CACNA2D1: variants seen among roughly 807,000 people sequenced by gnomAD.
The protein encoded by CACNA2D1 is voltage-dependent calcium channel subunit alpha-2/delta-1.
CACNA2D1 carries 53 observed loss-of-function variants against 171.5 expected under a neutral mutation model. That is an observed-to-expected ratio of 0.31 (90% CI 0.25 to 0.39). The LOEUF (loss-of-function observed/expected upper bound fraction) is 0.39, where lower values mean the gene tolerates loss of function less well. Ranked by LOEUF, CACNA2D1 falls within the 10% of genes least tolerant of loss-of-function variation. The pLI, the probability that CACNA2D1 is intolerant of heterozygous loss-of-function variation, is 1.00. For synonymous variants in CACNA2D1, 442 were observed against 443.1 expected (o/e 1.00, Z 0.03); for missense variants, 903 against 1,299.8 (o/e 0.69, Z 4.69).
At chr7:81,951,969 G>GTT (rs774805421) in intron 38 of CACNA2D1, among the ~76,000 whole-genome samples, 1,411 of 71,794 alleles carry the variant, frequency 0.02, 45 homozygotes, top group African/African-American at 0.051. Flanking sequence ...TGTACAAAGT[G>GTT]TTTTTTTTTT....
intron 3 of CACNA2D1, among the ~76,000 whole-genome samples, chr7:82,217,317 G>T (rs1379927670): frequency 2.8e-5 from 4 of 143,262 alleles, no homozygotes; most frequent in Admixed American, 2.2e-4. Context: ...TTTACTTCGT[G>T]TTACATTGAT....
chr7:82,073,481 C>T (rs896980927), intron 7 of CACNA2D1, among the ~76,000 whole-genome samples: 3 of 152,086 alleles, frequency 2.0e-5, no homozygotes, highest in African/African-American at 7.2e-5. Flanking sequence ...AAAATAAATT[C>T]TGGAAGAAGG....
intron 8 of CACNA2D1, among the ~76,000 whole-genome samples, chr7:82,066,101 G>A (rs1482926290): frequency 6.6e-6 from 1 of 152,024 alleles, no homozygotes; most frequent in Non-Finnish European, 1.5e-5. Flanking sequence ...ACTGCCAGAG[G>A]CAAATTATCT....
At chr7:82,158,805 C>G (rs1262407451) in intron 4 of CACNA2D1, among the ~76,000 whole-genome samples, 2 of 151,856 alleles carry the variant, frequency 1.3e-5, no homozygotes, top group Non-Finnish European at 2.9e-5. Flanking sequence ...GAATATGTTA[C>G]TTCTACACAT....
At chr7:82,363,326 G>A (rs916438608) in intron 1 of CACNA2D1, among the ~76,000 whole-genome samples, 1 of 123,088 alleles carries the variant, frequency 8.1e-6, no homozygotes, top group African/African-American at 3.1e-5. Context: ...GTGCAGTGGC[G>A]CCATCTCTGC....
At chr7:81,994,988 G>A in intron 19 of CACNA2D1, 49 bp from the exon 20 acceptor site, 1 of 881,606 alleles carries the variant, frequency 1.1e-6, no homozygotes. Flanking sequence ...AAGCTGACCT[G>A]CCAAAATATG....
At chr7:82,332,565 A>AGAAAGAAAGAAAGAAAGAAC (rs1491481168) in intron 3 of CACNA2D1, among the ~76,000 whole-genome samples, 16 of 109,340 alleles carry the variant, frequency 1.5e-4, no homozygotes, top group Non-Finnish European at 2.2e-4. Flanking sequence ...AAAGAAAGAA[A>AGAAAGAAAGAAAGAAAGAAC]GAACGAACAG....
intron 3 of CACNA2D1, among the ~76,000 whole-genome samples, chr7:82,241,919 A>G (rs2129296614): frequency 6.6e-6 from 1 of 152,288 alleles, no homozygotes; most frequent in Non-Finnish European, 1.5e-5. Context: ...AACACAGAGA[A>G]CATATTACTT....
intron 4 of CACNA2D1, among the ~76,000 whole-genome samples, chr7:82,151,019 A>C (rs1321952348): frequency 6.6e-6 from 1 of 152,182 alleles, no homozygotes; most frequent in Non-Finnish European, 1.5e-5. Context: ...CTGTTTACTG[A>C]TTCAGAGATA....
At position 82,166,890 on chromosome 7, in the gene CACNA2D1, A is replaced by C. The variant is rs7793379; in HGVS notation, c.354+3660T>G. 4.9e-3 allele frequency among the ~76,000 whole-genome samples: 748 copies of C among 152,182 alleles called. 9 individuals are homozygous for C. The highest frequency in any genetic ancestry group is 5.2e-3 in the Non-Finnish European group (354 of 67,982). ...GGAGCTGAGAGAGAGTGTGAATTGC[A>C]TAAGTCCTTTGTTGTTGCCAGCATA... On this transcript the variant is annotated intron_variant, in intron 4 of 38. Transcript: ENST00000356860.
intron 21 of CACNA2D1, 89 bp from the exon 22 acceptor site, chr7:81,984,800 CGAAA>C: frequency 2.7e-6 from 2 of 746,592 alleles, no homozygotes; most frequent in Non-Finnish European, 4.8e-6. Context: ...ATGGGAAAAT[CGAAA>C]GATCTTCCTC....
At chr7:82,050,441 A>G (rs1805061881) in intron 10 of CACNA2D1, 3 of 603,900 alleles carry the variant, frequency 5.0e-6, no homozygotes, top group Non-Finnish European at 8.8e-6. Context: ...TGACAGGAGG[A>G]CAGCCAGGGG....
At chr7:82,079,147 AAAT>A (rs1809370515) in intron 7 of CACNA2D1, among the ~76,000 whole-genome samples, 1 of 152,170 alleles carries the variant, frequency 6.6e-6, no homozygotes, top group Non-Finnish European at 1.5e-5. Flanking sequence ...TATGTATTTT[AAAT>A]AATCTGATAA....
intron 3 of CACNA2D1, among the ~76,000 whole-genome samples, chr7:82,222,519 A>T (rs1487969707): frequency 6.6e-6 from 1 of 152,178 alleles, no homozygotes; most frequent in Non-Finnish European, 1.5e-5. Flanking sequence ...CAAATGAATG[A>T]AGGTTGTTCT....
At chr7:82,243,411 A>G (rs1336968636) in intron 3 of CACNA2D1, among the ~76,000 whole-genome samples, 1 of 152,208 alleles carries the variant, frequency 6.6e-6, no homozygotes, top group Non-Finnish European at 1.5e-5. Context: ...GATGGTTGAC[A>G]TATGATTGAC....
intron 10 of CACNA2D1, among the ~76,000 whole-genome samples, chr7:82,047,033 T>G (rs2131279363): frequency 6.6e-6 from 1 of 152,276 alleles, no homozygotes; most frequent in South Asian, 2.1e-4. Context: ...GTTCTTTTAC[T>G]TGAAATGTAA....
intron 3 of CACNA2D1, among the ~76,000 whole-genome samples, chr7:82,182,398 A>G (rs1340135209): frequency 3.3e-5 from 5 of 152,192 alleles, no homozygotes; most frequent in African/African-American, 4.8e-5. Context: ...ACAAAAGTCT[A>G]CAAATATATC....
Position 82,104,223 on chromosome 7 carries a change from T to G in CACNA2D1, c.526+12821A>C, listed in dbSNP as rs187965774. Among the ~76,000 whole-genome samples the G allele has an allele frequency of 3.2e-3, 488 of 152,166 alleles. 1 individual carries two copies. The highest frequency in any genetic ancestry group is 4.8e-3 in the South Asian group (23 of 4,828). ...TTTTTTAATTTAATGAATAAATGAA[T>G]GAAAAGAGGATGTTTATATGTACAC... On this transcript the variant is annotated intron_variant, in intron 6 of 38. Transcript: ENST00000356860.
intron 3 of CACNA2D1, among the ~76,000 whole-genome samples, chr7:82,318,863 G>A (rs535425130): frequency 6.8e-5 from 10 of 148,028 alleles, no homozygotes; most frequent in African/African-American, 1.9e-4. Context: ...GAAGAAGAAG[G>A]GACAGAGGAA....
Sources: allele counts gnomAD v4.1 joint callset (sites outside exome capture counted in the v4.1 genomes callset), GRCh38; gene constraint gnomAD v4.1.1; transcripts MANE v1.5; gene names NCBI Gene and HGNC (gene_info 2026-07-23, HGNC 2026-07-21).